The following CARD9 variants were observed in gnomAD, a reference collection of about 807,000 sequenced individuals.
The protein encoded by CARD9 is caspase recruitment domain-containing protein 9.
In CARD9, 53 loss-of-function variants were observed where a neutral mutation model predicts 66.0. That is an observed-to-expected ratio of 0.80 (90% confidence interval 0.64 to 1.01). The LOEUF is 1.01. Among genes scored for constraint, CARD9 ranks in the 50% least tolerant of loss-of-function variants. CARD9 has a pLI of 0.00. For synonymous variants in CARD9, 387 were observed against 313.8 expected, an observed-to-expected ratio of 1.23 and a Z score of -2.47; for missense variants, 769 against 743.2, an observed-to-expected ratio of 1.03 and a Z score of -0.40.
Position 136,370,308 on chromosome 9 carries a change from C to G in CARD9, c.937G>C (p.Ala313Pro), listed in dbSNP as rs1180364209. The G allele has an allele frequency of 6.2e-7, 1 of 1,605,256 alleles. No homozygotes were observed. The highest frequency in any genetic ancestry group is 1.3e-5 in the African/African-American group (1 of 74,992). The change falls in exon 6 of 13, where the codon GCC (alanine) becomes CCC (proline). Residue 313 changes from alanine to proline, a missense_variant. Physicochemically the swap from Ala to Pro is conservative, Grantham distance 27. Transcript: ENST00000371732. ...SLRKDLRQGE[A>P]RRLRCMEEKE... Reference sequence around the variant, plus strand: ...TGCCCTCCTACCCGGAGGCGTCGGGCCTCGCCCTGGCGGAGGTCCTTGCGC... The same window carrying G: ...TGCCCTCCTACCCGGAGGCGTCGGGGCTCGCCCTGGCGGAGGTCCTTGCGC...
At chr9:136,366,573 G>A (rs1276126138) in intron 10 of CARD9, 9 of 597,360 alleles carry the variant, frequency 1.5e-5, no homozygotes, top group Non-Finnish European at 2.7e-5. Flanking sequence ...TCCACCCCAG[G>A]GGACACTTGT....
At chr9:136,365,266 G>A (rs375731237) in intron 10 of CARD9, 49 bp from the exon 11 acceptor site, 5 of 1,563,546 alleles carry the variant, frequency 3.2e-6, no homozygotes, top group African/African-American at 2.7e-5. Flanking sequence ...GCTGGGCCAC[G>A]TATAGCACGG....
rs750740690 is a variant in CARD9 at position 136,367,448 on chromosome 9, C to T, written c.1269+189G>A. 5.0e-5 allele frequency: 46 copies of T among 925,438 alleles called. No homozygotes were observed. In the East Asian group the frequency reaches 1.2e-3, roughly 23 times the overall value. The allele number at this position is 925,438 out of a possible 1,614,324, so 57.3% of individuals were successfully genotyped here. ...AGGCCCAGGACCCACCCCGGCCCTGCAGCCCCACTTCCTGCTGGGACCCTG... is the reference window on the plus strand; with the variant it reads ...AGGCCCAGGACCCACCCCGGCCCTGTAGCCCCACTTCCTGCTGGGACCCTG... On this transcript the variant is annotated intron_variant, in intron 8 of 12. Transcript: ENST00000371732.
intron 2 of CARD9, 105 bp downstream of exon 2, chr9:136,371,790 C>CG: frequency 6.7e-7 from 1 of 1,500,214 alleles, no homozygotes; most frequent in Non-Finnish European, 9.0e-7. Flanking sequence ...CAAAGCCAGG[C>CG]GGGGCTCTCC....
At chr9:136,365,075 ACT>A (rs1325009757) in intron 11 of CARD9, 64 bp downstream of exon 11, 9 of 1,490,850 alleles carry the variant, frequency 6.0e-6, no homozygotes, top group Non-Finnish European at 8.4e-6. Flanking sequence ...GCAGGGAGCC[ACT>A]CTCCCTGTGA....
chr9:136,371,135 C>G lies in CARD9; in HGVS notation c.333G>C (p.Gly111=). 1 of 1,612,358 alleles carries G rather than the reference C, an allele frequency of 6.2e-7. No homozygotes were observed. The highest frequency in any genetic ancestry group is 8.5e-7 in the Non-Finnish European group (1 of 1,179,836). Residue 111 remains glycine (G), a synonymous_variant, in exon 4 of 13, where the codon GGG becomes GGC. Transcript: ENST00000371732. The stretch of plus-strand genomic sequence containing the variant: ...TCAGCAGCTGAGTCAGGCCTGACTC[C>G]CCGGACGCGTCTGTGGGCCAGGCCA... The part of the protein sequence containing the change: ...RVFSMIIDAS[G]ESGLTQLLMT...
rs758654216 is a variant in CARD9, at chr9:136,369,883, G to T, written c.952-8C>A. The T allele has an allele frequency of 5.0e-6, 8 of 1,611,346 alleles. No homozygotes were observed. The Admixed American group carries it at 1.2e-4, about 23-fold the overall frequency. ...CTCCTTCTCCTCCATGCACTGCAGG[G>T]GGCGGCAGCTCAGCCCCCACAGGCC... On this transcript the variant is annotated splice_polypyrimidine_tract_variant and splice_region_variant and intron_variant, in intron 6 of 12. Transcript: ENST00000371732.
At chr9:136,370,259 C>A in intron 6 of CARD9, 35 bp downstream of exon 6, 2 of 1,589,190 alleles carry the variant, frequency 1.3e-6, no homozygotes, top group Non-Finnish European at 1.7e-6. Context: ...CTGGCTTGGA[C>A]CCCAGGGGCC....
Position 136,369,730 on chromosome 9 carries a change from C to T in CARD9, c.1077+20G>A, listed in dbSNP as rs558323305. 1.9e-6 allele frequency: 3 copies of T among 1,579,688 alleles called. No homozygotes were observed. Among genetic ancestry groups the T allele is most frequent in the African/African-American group, 1.3e-5 (1 of 74,506 alleles). On this transcript the variant is annotated intron_variant, in intron 7 of 12. Coordinates refer to ENST00000371732, the MANE Select transcript of CARD9 (RefSeq NM_052813.5). Reference sequence around the variant, plus strand: ...CCACCCGCGAGTGGGGTGCTTTGTCCTGCCCCTGCGAGTGCCCACCTGGTC... The same window carrying T: ...CCACCCGCGAGTGGGGTGCTTTGTCTTGCCCCTGCGAGTGCCCACCTGGTC...
intron 6 of CARD9, 198 bp downstream of exon 6, chr9:136,370,096 A>G (rs1016171134): frequency 7.2e-7 from 1 of 1,387,508 alleles, no homozygotes; most frequent in African/African-American, 1.4e-5. Flanking sequence ...AGGCACCATG[A>G]GCCCAGAGGT....
chr9:136,365,063 G>C (rs895211615), intron 11 of CARD9, 78 bp downstream of exon 11: 1 of 1,421,836 alleles, frequency 7.0e-7, no homozygotes, highest in Non-Finnish European at 9.8e-7. Context: ...GGGGTGCCCA[G>C]GGCAGGGAGC....
Position 136,367,817 on chromosome 9 carries a change from C to A in CARD9, c.1089G>T (p.Thr363=), listed in dbSNP as rs1217807819. 6.2e-7 allele frequency: 1 copy of A among 1,600,404 alleles called. No homozygotes were observed. Among genetic ancestry groups the A allele is most frequent in the Non-Finnish European group, 8.5e-7 (1 of 1,178,468 alleles). ...VAIERDQAIA[T]REELHAQHAR... Reference sequence around the variant, plus strand: ...CGTGCTGTGCGTGCAGCTCCTCCCGCGTGGCTATGGCCTGACGGGACAGCA... The same window carrying A: ...CGTGCTGTGCGTGCAGCTCCTCCCGAGTGGCTATGGCCTGACGGGACAGCA... Residue 363 remains threonine, a synonymous_variant, in exon 8 of 13, where the codon ACG becomes ACT. Coordinates refer to ENST00000371732, the MANE Select transcript of CARD9 (RefSeq NM_052813.5).
intron 7 of CARD9, chr9:136,368,044 C>T: frequency 2.8e-6 from 4 of 1,409,430 alleles, no homozygotes; most frequent in Non-Finnish European, 3.7e-6. Flanking sequence ...CCTTCTGTCT[C>T]CTCCCAAGCC....
intron 8 of CARD9, 118 bp from the exon 9 acceptor site, chr9:136,367,375 C>A (rs1276664050): frequency 1.7e-6 from 2 of 1,211,482 alleles, no homozygotes; most frequent in East Asian, 5.1e-5. Context: ...CTCAGCCACA[C>A]CAGGCCCCCT....
intron 10 of CARD9, chr9:136,366,005 C>T (rs1833115989): frequency 6.6e-6 from 1 of 152,654 alleles, no homozygotes; most frequent in African/African-American, 2.4e-5. Context: ...CTGGTCTTCA[C>T]TTCCCCGTCT....
At chr9:136,368,436 G>A (rs568284015) in intron 7 of CARD9, among the ~76,000 whole-genome samples, 22 of 152,358 alleles carry the variant, frequency 1.4e-4, no homozygotes, top group Admixed American at 4.6e-4. Context: ...CTGCCTTGGC[G>A]TGGGCCAGGC....
At position 136,370,210 on chromosome 9, in the gene CARD9, C is replaced by T. The variant is rs1833224385; in HGVS notation, c.951+84G>A. 8 of 1,545,250 alleles carry T rather than the reference C, an allele frequency of 5.2e-6. 1 individual carries two copies. The South Asian group carries it at 7.1e-5, about 14-fold the overall frequency. ...CTGCACTGGGGTCTCCACACCCCAC[C>T]TTCCAGGCACGGAGTGGGCGGAGCT... is the stretch of plus-strand genomic sequence containing the variant. On this transcript the variant is annotated intron_variant, in intron 6 of 12. Coordinates refer to ENST00000371732, the MANE Select transcript of CARD9 (RefSeq NM_052813.5).
chr9:136,365,527 C>T (rs1588720190), intron 10 of CARD9: 3 of 502,722 alleles, frequency 6.0e-6, no homozygotes, highest in African/African-American at 1.9e-5. Flanking sequence ...GAACTTAAAC[C>T]CTGGGCCTGA....
rs1833243565 is a variant in CARD9 at position 136,370,687 on chromosome 9, C to T, written c.642G>A (p.Lys214=). The T allele has an allele frequency of 1.2e-6, 2 of 1,612,756 alleles. No homozygotes were observed. Among genetic ancestry groups the T allele is most frequent in the Non-Finnish European group, 8.5e-7 (1 of 1,179,880 alleles). The change falls in exon 5 of 13, where the codon AAG becomes AAA. Residue 214 remains lysine (K), a synonymous_variant. Transcript: ENST00000371732. ...RDLQLEIDQL[K]HSLMKAEDDC... is the part of the protein sequence containing the mutation. ...CGTCCTCGGCCTTCATGAGGCTGTG[C>T]TTGAGCTGGTCAATCTGCAGAAGGT...
Sources: gnomAD v4.1 joint callset for allele counts (sites outside exome capture counted in the v4.1 genomes callset) on GRCh38, gnomAD v4.1.1 for gene constraint, MANE v1.5 for transcripts, NCBI Gene and HGNC (gene_info 2026-07-23, HGNC 2026-07-21) for gene names.